Variants in DYNC2H1 observed in about 807,000 individuals in gnomAD.
DYNC2H1 encodes cytoplasmic dynein 2 heavy chain 1.
Under a neutral mutation model 570.0 loss-of-function variants are expected in DYNC2H1, and 410 were observed. The ratio of observed to expected loss-of-function variants is 0.72; its 90% CI spans 0.66 to 0.78. The LOEUF (loss-of-function observed/expected upper bound fraction) is 0.78. Ranked by LOEUF, DYNC2H1 falls within the 30% of genes least tolerant of loss-of-function variation. The pLI is 0.00. For synonymous variants in DYNC2H1, 1,688 were observed against 1,677.6 expected (o/e 1.01, Z -0.15); for missense variants, 4,865 against 5,046.4 (o/e 0.96, Z 1.09).
chr11:103,403,034 A>G (rs754535895), intron 84 of DYNC2H1: 6 of 152,118 alleles, frequency 3.9e-5, no homozygotes, highest in Non-Finnish European at 7.4e-5. Context: ...CGAGGCAATG[A>G]AGAAAATTAG....
At chr11:103,233,964 C>T in intron 60 of DYNC2H1, 70 bp from the exon 61 acceptor site, 1 of 1,374,566 alleles carries the variant, frequency 7.3e-7, no homozygotes, top group Non-Finnish European at 9.7e-7. Flanking sequence ...TACTTTATTA[C>T]CTATGGATAA....
Position 103,474,828 on chromosome 11 carries a change from T to C in DYNC2H1, c.12766-4267T>C, listed in dbSNP as rs567977655. ...CACCATCCGCAGTCTCAGGCATCCA[T>C]TGGGGCCTTGGAATGTATTCCCCAT... On this transcript the variant is annotated intron_variant, in intron 88 of 88. Coordinates refer to ENST00000375735, the MANE Select transcript of DYNC2H1 (RefSeq NM_001377.3). Among the ~76,000 whole-genome samples the C allele has an allele frequency of 4.2e-4, 64 of 152,330 alleles. 2 individuals are homozygous for C. The South Asian group carries it at 0.012, about 29-fold the overall frequency.
At position 103,170,860 on chromosome 11, in the gene DYNC2H1, C is replaced by A. The variant is rs776845981; in HGVS notation, c.5152-26C>A. The A allele has an allele frequency of 2.1e-6, 3 of 1,418,254 alleles. No individual in the cohort carries two copies. In the Admixed American group the frequency reaches 7.2e-5, roughly 34 times the overall value. The allele number at this position is 1,418,254 out of a possible 1,614,324, so 87.9% of individuals were successfully genotyped here. ...GGAGATTTTGATTATTTTTTAATGACTATAATTTTTATTGTTGTTTTTAAG... is the reference window on the plus strand; with the variant it reads ...GGAGATTTTGATTATTTTTTAATGAATATAATTTTTATTGTTGTTTTTAAG... On this transcript the variant is annotated intron_variant, in intron 33 of 88. Coordinates refer to ENST00000375735, the MANE Select transcript of DYNC2H1 (RefSeq NM_001377.3). This position sits in a 1 kb window ranked among gnomAD's most constrained non-coding sequence, Gnocchi z 4.8.
intron 85 of DYNC2H1, among the ~76,000 whole-genome samples, chr11:103,451,740 A>G (rs1055019689): frequency 2.6e-5 from 4 of 152,188 alleles, no homozygotes; most frequent in African/African-American, 9.6e-5. Flanking sequence ...CCTTAGCAAC[A>G]TTTAATCGTT....
chr11:103,191,030 T>A (rs117907701), intron 45 of DYNC2H1, among the ~76,000 whole-genome samples: 13,486 of 113,742 alleles, frequency 0.12, 688 homozygotes, highest in Non-Finnish European at 0.14. Flanking sequence ...ATATATATAT[T>A]TTTTTTCTTT....
intron 83 of DYNC2H1, among the ~76,000 whole-genome samples, chr11:103,390,555 T>G (rs377197045): frequency 1.3e-5 from 2 of 152,182 alleles, no homozygotes; most frequent in Non-Finnish European, 2.9e-5. Flanking sequence ...GTTAGCTGGT[T>G]ATTTTGCTCG....
rs2134993763 is a variant in DYNC2H1, at chr11:103,177,462, A to T, written c.5875-94A>T. The T allele has an allele frequency of 1.5e-6, 2 of 1,307,924 alleles. No individual in the cohort carries two copies. Among genetic ancestry groups the T allele is most frequent in the Non-Finnish European group, 1.0e-6 (1 of 969,786 alleles). The allele number at this position is 1,307,924 out of a possible 1,614,324, so 81.0% of individuals were successfully genotyped here. Reference sequence around the variant, plus strand: ...TTCCACTGAAGAAATCAAAGGCTTAATTTACACATTAGAACAAGTGTTACA... The same window carrying T: ...TTCCACTGAAGAAATCAAAGGCTTATTTTACACATTAGAACAAGTGTTACA... On this transcript the variant is annotated intron_variant, in intron 37 of 88. Transcript: ENST00000375735. This position sits in a 1 kb window ranked among gnomAD's most constrained non-coding sequence, Gnocchi z 4.4.
rs1475808719 is a variant in DYNC2H1 at position 103,398,462 on chromosome 11, T to C, written c.12157-1201T>C. On this transcript the variant is annotated intron_variant, in intron 83 of 88. Transcript: ENST00000375735. ...TTTTATGCTAATAAAATTTACTTAA[T>C]GTTGATTTATTTAATGGCAGTAACC... Among the ~76,000 whole-genome samples, 4 of 152,208 alleles carry C rather than the reference T, an allele frequency of 2.6e-5. No individual in the cohort carries two copies. The South Asian group carries it at 6.2e-4, about 24-fold the overall frequency.
At position 103,472,590 on chromosome 11, in the gene DYNC2H1, C is replaced by A. The variant is rs1334892217; in HGVS notation, c.12765+3885C>A. On this transcript the variant is annotated intron_variant, in intron 88 of 88. Coordinates refer to ENST00000375735, the MANE Select transcript of DYNC2H1 (RefSeq NM_001377.3). This position sits in a 1 kb window ranked among gnomAD's most constrained non-coding sequence, Gnocchi z 4.1. Reference sequence around the variant, plus strand: ...ACTGAGAATCAGGTAAGTTAAATGACTTATGAGTTCCACATTGGTAGCATT... The same window carrying A: ...ACTGAGAATCAGGTAAGTTAAATGAATTATGAGTTCCACATTGGTAGCATT... 6.6e-6 allele frequency among the ~76,000 whole-genome samples: 1 copy of A among 152,026 alleles called. No individual in the cohort carries two copies. The highest frequency in any genetic ancestry group is 1.5e-5 in the Non-Finnish European group (1 of 68,008).
Position 103,170,243 on chromosome 11 carries a change from T to C in DYNC2H1, c.5104T>C (p.Leu1702=), listed in dbSNP as rs780767358. 6.2e-7 allele frequency: 1 copy of C among 1,609,030 alleles called. No homozygotes were observed. The highest frequency in any genetic ancestry group is 1.1e-5 in the South Asian group (1 of 89,754). Residue 1702 remains leucine (L), a synonymous_variant, in exon 33 of 89, where the codon TTA becomes CTA. Coordinates refer to ENST00000375735, the MANE Select transcript of DYNC2H1 (RefSeq NM_001377.3). The surrounding 1 kb of genome is among the most constrained non-coding windows in gnomAD (Gnocchi z 4.8). Reference sequence around the variant, plus strand: ...TGGGAAAACGGAATCAGTAAAGGCTTTAGGTGGACTTCTTGGAAGACAAGT... The same window carrying C: ...TGGGAAAACGGAATCAGTAAAGGCTCTAGGTGGACTTCTTGGAAGACAAGT... ...GTGKTESVKA[L]GGLLGRQVLV...
At chr11:103,356,950 C>A (rs1302843044) in intron 82 of DYNC2H1, among the ~76,000 whole-genome samples, 1 of 152,088 alleles carries the variant, frequency 6.6e-6, no homozygotes, top group African/African-American at 2.4e-5. Context: ...AAGTAGTCAA[C>A]ATGCTGCAAA....
intron 84 of DYNC2H1, among the ~76,000 whole-genome samples, chr11:103,424,309 T>C (rs577567648): frequency 6.6e-6 from 1 of 152,288 alleles, no homozygotes; most frequent in East Asian, 1.9e-4. Context: ...ACTAGCTTGA[T>C]TGGTTTATAG....
intron 88 of DYNC2H1, among the ~76,000 whole-genome samples, chr11:103,477,606 C>T (rs1937513340): frequency 1.3e-5 from 2 of 151,830 alleles, no homozygotes; most frequent in Admixed American, 6.6e-5. Context: ...CCGAGGCACA[C>T]GTATCACGAG....
chr11:103,258,572 GT>G (rs111732477), intron 69 of DYNC2H1, among the ~76,000 whole-genome samples: 15,095 of 152,202 alleles, frequency 0.099, 2,461 homozygotes, highest in African/African-American at 0.34. Flanking sequence ...GGTGCTGTGG[GT>G]TGGGAGGACT....
At chr11:103,217,087 G>C (rs1451636558) in intron 55 of DYNC2H1, among the ~76,000 whole-genome samples, 1 of 152,028 alleles carries the variant, frequency 6.6e-6, no homozygotes, top group African/African-American at 2.4e-5. Context: ...CTGTTACCTT[G>C]TCAACTAGGC....
intron 30 of DYNC2H1, among the ~76,000 whole-genome samples, chr11:103,165,683 A>G (rs995827704): frequency 6.6e-6 from 1 of 152,178 alleles, no homozygotes; most frequent in African/African-American, 2.4e-5. Context: ...AGAGTATAGT[A>G]TGAAATGAGT....
At chr11:103,263,882 G>A (rs1565443733) in intron 70 of DYNC2H1, among the ~76,000 whole-genome samples, 1 of 152,008 alleles carries the variant, frequency 6.6e-6, no homozygotes, top group African/African-American at 2.4e-5. Flanking sequence ...AGGAGATAGA[G>A]ACATGAAAAA....
Position 103,468,108 on chromosome 11 carries a change from GAATT to G in DYNC2H1, c.12649-480_12649-477del, listed in dbSNP as rs550447616. 5.3e-5 allele frequency among the ~76,000 whole-genome samples: 8 copies of G among 152,260 alleles called. No homozygotes were observed. In the East Asian group the frequency reaches 1.5e-3, roughly 29 times the overall value. On this transcript the variant is annotated intron_variant, in intron 87 of 88. Coordinates refer to ENST00000375735, the MANE Select transcript of DYNC2H1 (RefSeq NM_001377.3). ...TACACCAAGGTTACCTTAAAGACAT[GAATT>G]CTTTCTTCTCTTTAATTCTTCTTTC...
At chr11:103,442,190 T>G (rs1185138165) in intron 85 of DYNC2H1, among the ~76,000 whole-genome samples, 1 of 152,134 alleles carries the variant, frequency 6.6e-6, no homozygotes, top group Non-Finnish European at 1.5e-5. Context: ...TGAGCTTCTA[T>G]TATATGCCAG....
Sources: gnomAD v4.1 joint callset for allele counts (sites outside exome capture counted in the v4.1 genomes callset) on GRCh38, gnomAD v4.1.1 for gene constraint, Gnocchi (gnomAD v3.1) non-coding constraint, MANE v1.5 for transcripts, NCBI Gene and HGNC (gene_info 2026-07-23, HGNC 2026-07-21) for gene names.